The following FBXL17 variants were observed in gnomAD, a reference collection of about 807,000 sequenced individuals.
FBXL17 encodes the protein F-box and leucine rich repeat protein 17, also known as F-box/LRR-repeat protein 17.
Under a neutral mutation model 66.2 loss-of-function variants are expected in FBXL17, and 22 were observed. The ratio of observed to expected loss-of-function variants is 0.33; its 90% confidence interval spans 0.24 to 0.47. The LOEUF (loss-of-function observed/expected upper bound fraction) is 0.47, where lower values mean the gene tolerates loss of function less well. Among genes scored for constraint, FBXL17 ranks in the 20% least tolerant of loss-of-function variants. FBXL17 has a pLI of 1.00. For synonymous variants in FBXL17, 474 were observed against 400.5 expected (o/e 1.18, Z -2.19); for missense variants, 878 against 948.2 (o/e 0.93, Z 0.97).
At chr5:108,311,081 T>C (rs7726298) in intron 4 of FBXL17, among the ~76,000 whole-genome samples, 78,636 of 152,076 alleles carry the variant, frequency 0.52, 20,589 homozygotes, top group African/African-American at 0.6. Flanking sequence ...GAAAAGTAAG[T>C]GTCACTGAAA....
intron 7 of FBXL17, among the ~76,000 whole-genome samples, chr5:107,975,547 T>C (rs1752543128): frequency 6.6e-6 from 1 of 152,200 alleles, no homozygotes; most frequent in African/African-American, 2.4e-5. Context: ...AATCTTAAAA[T>C]GAATGTGTTT....
intron 6 of FBXL17, among the ~76,000 whole-genome samples, chr5:108,183,471 A>G (rs1274608852): frequency 6.6e-6 from 1 of 152,212 alleles, no homozygotes; most frequent in Admixed American, 6.5e-5. Flanking sequence ...TTTAAAGATT[A>G]CTTTAAATTT....
At chr5:108,111,443 A>AAC (rs5870296) in intron 6 of FBXL17, among the ~76,000 whole-genome samples, 99,563 of 151,932 alleles carry the variant, frequency 0.66, 33,571 homozygotes, top group East Asian at 0.92. Context: ...TTTTCTCTAA[A>AAC]ACACATCATC....
intron 6 of FBXL17, among the ~76,000 whole-genome samples, chr5:108,076,312 G>A (rs1167615609): frequency 6.6e-6 from 1 of 150,878 alleles, no homozygotes; most frequent in East Asian, 2.0e-4. Context: ...ATGCTAGGAG[G>A]AATCAGATTG....
At chr5:108,363,440 G>GA (rs971696218) in intron 3 of FBXL17, among the ~76,000 whole-genome samples, 1 of 151,690 alleles carries the variant, frequency 6.6e-6, no homozygotes, top group Non-Finnish European at 1.5e-5. Context: ...TACCTAAGGG[G>GA]AAAAAAATTT....
intron 6 of FBXL17, among the ~76,000 whole-genome samples, chr5:108,024,780 T>G (rs1311807353): frequency 1.3e-5 from 2 of 152,170 alleles, no homozygotes; most frequent in African/African-American, 4.8e-5. Context: ...TGTTCTAAAA[T>G]GCACCTGAAA....
At chr5:108,041,347 C>T (rs112887120) in intron 6 of FBXL17, among the ~76,000 whole-genome samples, 72 of 152,214 alleles carry the variant, frequency 4.7e-4, no homozygotes, top group Non-Finnish European at 6.3e-4. Flanking sequence ...TTTGTCAAGC[C>T]AAAATCATGC....
chr5:107,949,183 T>A (rs1242851379), intron 7 of FBXL17, among the ~76,000 whole-genome samples: 78 of 142,002 alleles, frequency 5.5e-4, no homozygotes, highest in African/African-American at 6.2e-4. Flanking sequence ...ATGCACTTCA[T>A]AAAAAAAAAA....
Position 107,881,097 on chromosome 5 carries a change from G to A in FBXL17, c.1905C>T (p.Ala635=). The change falls in exon 8 of 9, where the codon GCC becomes GCT. Residue 635 remains alanine (A), a synonymous_variant. Transcript: ENST00000542267. ...ACTTGCTGCTCTGTGCAATCAGGGT[G>A]GCTCCTTGGTCTGTGATTTCTTTAC... is the stretch of plus-strand genomic sequence containing the variant. The part of the protein sequence containing the change: ...GWCKEITDQG[A]TLIAQSSKSL... 6 of 1,614,036 alleles carry A rather than the reference G, an allele frequency of 3.7e-6. No homozygotes were observed. The highest frequency in any genetic ancestry group is 4.2e-6 in the Non-Finnish European group (5 of 1,179,956).
At chr5:107,995,587 CCAAAG>C (rs2112703077) in intron 7 of FBXL17, among the ~76,000 whole-genome samples, 2 of 152,084 alleles carry the variant, frequency 1.3e-5, no homozygotes, top group African/African-American at 4.8e-5. Context: ...ATCAATATAA[CCAAAG>C]CCAAATCAAC....
Position 108,194,982 on chromosome 5 carries a change from G to C in FBXL17, c.1615-8735C>G, listed in dbSNP as rs569953034. Among the ~76,000 whole-genome samples, 40 of 152,182 alleles carry C rather than the reference G, an allele frequency of 2.6e-4. No individual in the cohort carries two copies. In the South Asian group the frequency reaches 7.9e-3, roughly 30 times the overall value. On this transcript the variant is annotated intron_variant, in intron 5 of 8. Transcript: ENST00000542267. The stretch of plus-strand genomic sequence containing the variant: ...TGAAAGTACAAAAATAATTTGTAAA[G>C]CTTAGTCTCTTTAATCACTTAAAAA...
intron 6 of FBXL17, among the ~76,000 whole-genome samples, chr5:108,130,575 A>T (rs1750892891): frequency 6.6e-6 from 1 of 152,080 alleles, no homozygotes; most frequent in Admixed American, 6.6e-5. Flanking sequence ...GCTCATTTGT[A>T]AAGACAGCTT....
rs549408169 is a variant in FBXL17 at position 107,990,500 on chromosome 5, C to T, written c.1822+30425G>A. The stretch of plus-strand genomic sequence containing the variant: ...AATTCTGGCTCCATGACTTAAAAAC[C>T]GCATTATTTTGGGCAGGTTATGTAA... On this transcript the variant is annotated intron_variant, in intron 7 of 8. Transcript: ENST00000542267. Among the ~76,000 whole-genome samples the T allele has an allele frequency of 3.9e-5, 6 of 152,088 alleles. 1 individual carries two copies. The highest frequency in any genetic ancestry group is 4.2e-4 in the South Asian group (2 of 4,818).
intron 6 of FBXL17, among the ~76,000 whole-genome samples, chr5:108,030,997 A>G (rs1006420045): frequency 1.8e-4 from 27 of 152,110 alleles, no homozygotes; most frequent in African/African-American, 5.6e-4. Context: ...CATTAGATTC[A>G]CAATACTATT....
intron 5 of FBXL17, among the ~76,000 whole-genome samples, chr5:108,201,215 A>G (rs1753881475): frequency 6.6e-6 from 1 of 152,220 alleles, no homozygotes; most frequent in South Asian, 2.1e-4. Flanking sequence ...TTCGTTCATC[A>G]GTATAGACTT....
In FBXL17 at chr5:107,962,441, A is replaced by G. The variant is rs181245629; in HGVS notation, c.1822+58484T>C. On this transcript the variant is annotated intron_variant, in intron 7 of 8. Transcript: ENST00000542267. ...GTCAGACCAGCTACACAACACATGT[A>G]TTGTATAACTTGGATATTGGTATTT... Among the ~76,000 whole-genome samples, 334 of 152,298 alleles carry G rather than the reference A, an allele frequency of 2.2e-3. 3 individuals are homozygous for G. Among genetic ancestry groups the G allele is most frequent in the Middle Eastern group, 0.017 (5 of 294 alleles).
chr5:108,257,555 C>A (rs1275060533), intron 4 of FBXL17, among the ~76,000 whole-genome samples: 5 of 152,036 alleles, frequency 3.3e-5, no homozygotes, highest in Non-Finnish European at 7.4e-5. Context: ...TGAATAATTT[C>A]TATTTATCAG....
At chr5:108,249,500 C>T (rs1236187737) in intron 4 of FBXL17, among the ~76,000 whole-genome samples, 3 of 152,114 alleles carry the variant, frequency 2.0e-5, no homozygotes, top group South Asian at 2.1e-4. Context: ...AACAGCATCA[C>T]GCACATTGAT....
intron 1 of FBXL17, among the ~76,000 whole-genome samples, chr5:108,370,436 G>A (rs989565999): frequency 6.6e-6 from 1 of 152,102 alleles, no homozygotes; most frequent in Non-Finnish European, 1.5e-5. Context: ...AACAAGTCTA[G>A]TGAGAAGTAT....
Sources: allele counts gnomAD v4.1 joint callset (sites outside exome capture counted in the v4.1 genomes callset), GRCh38; gene constraint gnomAD v4.1.1; transcripts MANE v1.5; gene names NCBI Gene and HGNC (gene_info 2026-07-23, HGNC 2026-07-21).